Variants in ETS1 observed in about 807,000 individuals in gnomAD.
ETS1 encodes ETS proto-oncogene 1, transcription factor.
Under a neutral mutation model 58.6 loss-of-function variants are expected in ETS1, and 15 were observed. The ratio of observed to expected loss-of-function variants is 0.26; its 90% CI spans 0.17 to 0.39. ETS1 has a LOEUF of 0.39. Among genes scored for constraint, ETS1 ranks in the 10% least tolerant of loss-of-function variants. ETS1 has a pLI of 1.00. For synonymous variants in ETS1, 214 were observed against 218.2 expected (o/e 0.98, Z 0.17); for missense variants, 417 against 610.5 (o/e 0.68, Z 3.34).
chr11:128,564,566 C>A (rs1282256891), intron 2 of ETS1, among the ~76,000 whole-genome samples: 1 of 152,180 alleles, frequency 6.6e-6, no homozygotes, highest in Admixed American at 6.5e-5. Flanking sequence ...ACAGCCTCCA[C>A]TCACAGCCAA....
intron 8 of ETS1, among the ~76,000 whole-genome samples, chr11:128,465,227 G>C (rs761779513): frequency 2.0e-5 from 3 of 152,132 alleles, no homozygotes; most frequent in Non-Finnish European, 2.9e-5. Context: ...TCTGAGAATG[G>C]ACCATTAGCT....
At chr11:128,486,200 G>T in intron 5 of ETS1, 54 bp from the exon 6 acceptor site, 1 of 1,125,104 alleles carries the variant, frequency 8.9e-7, no homozygotes, top group Non-Finnish European at 1.3e-6. Flanking sequence ...AGTCATGCTT[G>T]GCCTAAAAGG....
In ETS1 at chr11:128,556,003, C is replaced by T. The variant is rs367973053; in HGVS notation, c.214+288G>A. Among the ~76,000 whole-genome samples the T allele has an allele frequency of 3.9e-5, 6 of 152,334 alleles. No individual in the cohort carries two copies. In the East Asian group the frequency reaches 9.6e-4, roughly 24 times the overall value. The stretch of plus-strand genomic sequence containing the variant: ...TGTGACTGCAAAACTTCTAGGCTCT[C>T]TGACAACAGCCAAAACGGGTGTCAG... On this transcript the variant is annotated intron_variant, in intron 3 of 9. Coordinates refer to ENST00000392668, the MANE Select transcript of ETS1 (RefSeq NM_001143820.2).
rs569669055 is a variant in ETS1 at position 128,489,276 on chromosome 11, T to C, written c.535+14A>G. 8.1e-6 allele frequency: 13 copies of C among 1,611,738 alleles called. 1 individual carries two copies. Among genetic ancestry groups the C allele is most frequent in the Middle Eastern group, 3.3e-4 (2 of 6,078 alleles). On this transcript the variant is annotated intron_variant, in intron 5 of 9. Coordinates refer to ENST00000392668, the MANE Select transcript of ETS1 (RefSeq NM_001143820.2). ...CCACATAACCTCCACCTCTCTCTGT[T>C]TCCACATATTTACCTTTCTGCAGGA...
chr11:128,480,152 TGCAGATGGAGTTGGCCTAAGCAGCG>T lies in ETS1; in HGVS notation c.1123+14_1123+38del, dbSNP rs1393891063. The T allele has an allele frequency of 6.2e-7, 1 of 1,606,210 alleles. No homozygotes were observed. Among genetic ancestry groups the T allele is most frequent in the Non-Finnish European group, 8.5e-7 (1 of 1,175,778 alleles). ...TTCCAGGACCCCACCCACAGAAACGTGCAGATGGAGTTGGCCTAAGCAGCGGGAGGGCGCCTACCTGTGTAGCCAG... is the reference window on the plus strand; with the variant it reads ...TTCCAGGACCCCACCCACAGAAACGTGGAGGGCGCCTACCTGTGTAGCCAG... On this transcript the variant is annotated intron_variant, in intron 8 of 9. Transcript: ENST00000392668.
Position 128,484,992 on chromosome 11 carries a change from C to T in ETS1, c.693G>A (p.Thr231=), listed in dbSNP as rs771960823. 9.9e-6 allele frequency: 16 copies of T among 1,613,770 alleles called. No individual in the cohort carries two copies. Among genetic ancestry groups the T allele is most frequent in the East Asian group, 4.5e-5 (2 of 44,892 alleles). ...EPSFITESYQ[T]LHPISSEELL... is the part of the protein sequence containing the mutation. ...GCTCTTCCGAGCTGATGGGATGGAG[C>T]GTCTGATAGGACTCTGTGATGAAGC... Residue 231 remains threonine (T), a synonymous_variant, in exon 7 of 10, where the codon ACG becomes ACA. Coordinates refer to ENST00000392668, the MANE Select transcript of ETS1 (RefSeq NM_001143820.2).
intron 2 of ETS1, among the ~76,000 whole-genome samples, chr11:128,567,166 C>T (rs2135571504): frequency 6.6e-6 from 1 of 152,356 alleles, no homozygotes; most frequent in East Asian, 1.9e-4. Flanking sequence ...CATGGCAGGA[C>T]TACCCTCTAT....
intron 2 of ETS1, among the ~76,000 whole-genome samples, chr11:128,567,260 C>T (rs1178422834): frequency 6.6e-6 from 1 of 152,190 alleles, no homozygotes; most frequent in Admixed American, 6.5e-5. Context: ...GGCCAATGCC[C>T]AGAGCTGGCA....
rs994767693 is a variant in ETS1 at position 128,549,265 on chromosome 11, C to T, written c.214+7026G>A. Among the ~76,000 whole-genome samples, 2 of 145,318 alleles carry T rather than the reference C, an allele frequency of 1.4e-5. No individual in the cohort carries two copies. The highest frequency in any genetic ancestry group is 2.1e-4 in the South Asian group (1 of 4,766). ...CCACCCTCCACTCTCACGCGCCCCT[C>T]GCCCCTCGCCCCTCGCCCCTCGCCC... On this transcript the variant is annotated intron_variant, in intron 3 of 9. Coordinates refer to ENST00000392668, the MANE Select transcript of ETS1 (RefSeq NM_001143820.2). This position sits in a 1 kb window ranked among gnomAD's most constrained non-coding sequence, Gnocchi z 4.3.
At chr11:128,475,432 T>C (rs1440838015) in intron 8 of ETS1, among the ~76,000 whole-genome samples, 1 of 152,196 alleles carries the variant, frequency 6.6e-6, no homozygotes, top group Non-Finnish European at 1.5e-5. Flanking sequence ...GTTCTGGACT[T>C]GGCCCTGGGA....
intron 8 of ETS1, 131 bp downstream of exon 8, chr11:128,480,056 TAGAG>T: frequency 8.4e-7 from 1 of 1,190,776 alleles, no homozygotes; most frequent in East Asian, 2.6e-5. Context: ...AAAGAATTCT[TAGAG>T]AGACTTCTCC....
In ETS1 at chr11:128,459,794, ATT is replaced by A. The variant is rs1861856895; in HGVS notation, c.*2565_*2566del. The A allele has an allele frequency of 6.5e-6, 1 of 152,764 alleles. No individual in the cohort carries two copies. Among genetic ancestry groups the A allele is most frequent in the Non-Finnish European group, 1.5e-5 (1 of 68,042 alleles). 9.5% of individuals were successfully genotyped at this position (152,764 alleles called of 1,614,324 possible). A position where few individuals can be genotyped will look rare whatever the true frequency, so the allele number is the denominator to read the frequency against. On this transcript the variant is annotated 3_prime_UTR_variant, in exon 10 of 10. Coordinates refer to ENST00000392668, the MANE Select transcript of ETS1 (RefSeq NM_001143820.2). ...AATGGTGGACTTAGAGAGAAAGGGA[ATT>A]TTAGCAAACAAGCGGGCGGAGGAGC...
At chr11:128,558,338 G>A (rs1231054090) in intron 2 of ETS1, among the ~76,000 whole-genome samples, 2 of 152,114 alleles carry the variant, frequency 1.3e-5, no homozygotes, top group African/African-American at 4.8e-5. Flanking sequence ...ATACACTACT[G>A]AGCATCAGTC....
chr11:128,489,913 T>C (rs1862749940), intron 4 of ETS1, among the ~76,000 whole-genome samples: 1 of 152,226 alleles, frequency 6.6e-6, no homozygotes, highest in Non-Finnish European at 1.5e-5. Context: ...GAGACTATTA[T>C]TCTCGATTAT....
intron 2 of ETS1, among the ~76,000 whole-genome samples, chr11:128,572,756 C>T (rs1010751043): frequency 6.6e-6 from 1 of 152,158 alleles, no homozygotes; most frequent in African/African-American, 2.4e-5. Flanking sequence ...TGTAAAAAAT[C>T]ATCAAATGAA....
intron 1 of ETS1, among the ~76,000 whole-genome samples, chr11:128,582,218 A>G (rs1329986201): frequency 2.6e-5 from 4 of 152,180 alleles, no homozygotes; most frequent in Non-Finnish European, 4.4e-5. Context: ...CTGGAGTTAC[A>G]TACTATGGGT....
At chr11:128,552,037 T>C (rs989898062) in intron 3 of ETS1, among the ~76,000 whole-genome samples, 30 of 152,138 alleles carry the variant, frequency 2.0e-4, no homozygotes, top group African/African-American at 7.2e-4. Flanking sequence ...CCTGGGAGTT[T>C]CTGCTTCGAT....
At chr11:128,465,446 G>A (rs1348586787) in intron 8 of ETS1, among the ~76,000 whole-genome samples, 1 of 152,164 alleles carries the variant, frequency 6.6e-6, no homozygotes, top group Non-Finnish European at 1.5e-5. Flanking sequence ...GTTGCCTAAA[G>A]TCATGAGCTA....
chr11:128,489,594 C>G, intron 4 of ETS1, 104 bp from the exon 5 acceptor site: 2 of 862,236 alleles, frequency 2.3e-6, no homozygotes, highest in Middle Eastern at 6.8e-4. Flanking sequence ...AGAATGCTAT[C>G]TTTATTCATC....
Sources: allele counts gnomAD v4.1 joint callset (sites outside exome capture counted in the v4.1 genomes callset), GRCh38; gene constraint gnomAD v4.1.1; non-coding constraint Gnocchi (gnomAD v3.1); transcripts MANE v1.5; gene names NCBI Gene and HGNC (gene_info 2026-07-23, HGNC 2026-07-21).